Variants in TSNARE1 observed in about 807,000 individuals in gnomAD.
TSNARE1 encodes the protein t-SNARE domain-containing protein 1.
A neutral mutation model predicts 62.0 loss-of-function variants in TSNARE1; 49 were observed. The observed-to-expected ratio is 0.79, with a 90% CI of 0.63 to 1.00. The LOEUF is 1.00. TSNARE1 is among the 50% of genes least tolerant of loss of function. The pLI is 0.00. For missense variants in TSNARE1, 755 were observed against 700.1 expected, an observed-to-expected ratio of 1.08 and a Z score of -0.88; for synonymous variants, 328 against 294.4, an observed-to-expected ratio of 1.11 and a Z score of -1.17.
chr8:142,315,544 C>T (rs1008758048), intron 7 of TSNARE1, among the ~76,000 whole-genome samples: 19 of 152,376 alleles, frequency 1.2e-4, no homozygotes, highest in Non-Finnish European at 2.5e-4. Flanking sequence ...CAGTTCCTTC[C>T]TGCTGGGATG....
intron 12 of TSNARE1, among the ~76,000 whole-genome samples, chr8:142,235,292 G>A (rs1055496075): frequency 6.6e-6 from 1 of 152,094 alleles, no homozygotes; most frequent in East Asian, 1.9e-4. Context: ...GGCAGGGTCC[G>A]GCAGGTGGCT....
At chr8:142,214,412 C>T (rs28697246) in intron 13 of TSNARE1, among the ~76,000 whole-genome samples, 119,934 of 152,126 alleles carry the variant, frequency 0.79, 49,852 homozygotes, top group Non-Finnish European at 0.91. Flanking sequence ...GGATGGTGCC[C>T]GTCTGTGCCC....
At chr8:142,261,073 AGAGAGGAAAGG>A (rs1586887251) in intron 12 of TSNARE1, among the ~76,000 whole-genome samples, 9 of 3,376 alleles carry the variant, frequency 2.7e-3, no homozygotes, top group East Asian at 9.3e-3. Context: ...AGGAGGGAGG[AGAGAGGAAAGG>A]AGGAAGGAGG....
chr8:142,376,669 G>T (rs1836368347), intron 1 of TSNARE1, among the ~76,000 whole-genome samples: 1 of 152,234 alleles, frequency 6.6e-6, no homozygotes, highest in African/African-American at 2.4e-5. Context: ...GGACTGAGAA[G>T]CTCCATGGCC....
At chr8:142,270,502 A>ATATATATATATATT (rs1563794860) in intron 12 of TSNARE1, 1 of 884,560 alleles carries the variant, frequency 1.1e-6, no homozygotes, top group Non-Finnish European at 1.3e-6. Flanking sequence ...ATATATATAT[A>ATATATATATATATT]TTTATGTATT....
At chr8:142,287,970 G>A (rs1444151152) in intron 10 of TSNARE1, among the ~76,000 whole-genome samples, 8 of 152,348 alleles carry the variant, frequency 5.3e-5, no homozygotes, top group African/African-American at 9.6e-5. Context: ...CCTTCAGGAC[G>A]TCCCGTGCTG....
intron 13 of TSNARE1, among the ~76,000 whole-genome samples, chr8:142,226,023 C>T (rs1816753051): frequency 6.6e-6 from 1 of 152,194 alleles, no homozygotes; most frequent in South Asian, 2.1e-4. Context: ...TCTGTGTCCT[C>T]TCTTCCTCTC....
At chr8:142,383,156 G>A (rs1203024280) in intron 1 of TSNARE1, among the ~76,000 whole-genome samples, 1 of 152,174 alleles carries the variant, frequency 6.6e-6, no homozygotes, top group East Asian at 1.9e-4. Flanking sequence ...CAGAAACAGG[G>A]GTGGAGTCAT....
chr8:142,224,309 G>A (rs1426384805), intron 13 of TSNARE1, among the ~76,000 whole-genome samples: 6 of 152,210 alleles, frequency 3.9e-5, no homozygotes, highest in Non-Finnish European at 1.5e-5. Flanking sequence ...TGTCATGACT[G>A]AGGATGCCCC....
chr8:142,375,252 C>T (rs144682789), intron 1 of TSNARE1, among the ~76,000 whole-genome samples: 3 of 152,360 alleles, frequency 2.0e-5, no homozygotes, highest in East Asian at 1.9e-4. Flanking sequence ...GCACCCACAG[C>T]GGACAACTGC....
At chr8:142,223,373 TTCAC>T (rs1242394808) in intron 13 of TSNARE1, among the ~76,000 whole-genome samples, 2 of 124,904 alleles carry the variant, frequency 1.6e-5, no homozygotes, top group Non-Finnish European at 3.3e-5. Flanking sequence ...CATCCACTCA[TTCAC>T]TCACTCAAGT....
intron 13 of TSNARE1, among the ~76,000 whole-genome samples, chr8:142,218,807 C>T (rs1369446284): frequency 6.6e-6 from 1 of 152,226 alleles, no homozygotes; most frequent in African/African-American, 2.4e-5. Flanking sequence ...AGCACATTCA[C>T]ATTCCACTGC....
At chr8:142,301,756 C>T (rs902575143) in intron 9 of TSNARE1, among the ~76,000 whole-genome samples, 17 of 151,490 alleles carry the variant, frequency 1.1e-4, no homozygotes, top group Admixed American at 8.5e-4. Context: ...CCGGCCTCAC[C>T]AGGAGCACCT....
chr8:142,268,906 G>A (rs1054276697), intron 12 of TSNARE1, among the ~76,000 whole-genome samples: 2 of 152,216 alleles, frequency 1.3e-5, no homozygotes, highest in African/African-American at 4.8e-5. Context: ...GGTGACGTAG[G>A]GGCCATGACG....
At chr8:142,227,302 AC>A (rs1345521636) in intron 13 of TSNARE1, among the ~76,000 whole-genome samples, 2 of 138,544 alleles carry the variant, frequency 1.4e-5, no homozygotes, top group Non-Finnish European at 3.0e-5. Flanking sequence ...GACAGCCAGG[AC>A]CCCCTTCCTG....
At chr8:142,276,181 G>C (rs1285153542) in intron 11 of TSNARE1, 1 of 985,346 alleles carries the variant, frequency 1.0e-6, no homozygotes, top group Non-Finnish European at 1.2e-6. Context: ...CCTGCACAAG[G>C]AGCCAAAGCC....
chr8:142,302,017 C>T (rs908821729), intron 9 of TSNARE1, among the ~76,000 whole-genome samples: 4 of 152,188 alleles, frequency 2.6e-5, no homozygotes, highest in African/African-American at 4.8e-5. Context: ...CCCACTGATG[C>T]CACGCCGGCC....
chr8:142,228,061 C>T (rs1364094860), intron 13 of TSNARE1, among the ~76,000 whole-genome samples: 1 of 152,184 alleles, frequency 6.6e-6, no homozygotes, highest in Non-Finnish European at 1.5e-5. Flanking sequence ...GCAACCAGCA[C>T]CAGTGTCAGC....
At position 142,239,430 on chromosome 8, in the gene TSNARE1, C is replaced by T. The variant is rs535741817; in HGVS notation, c.1447-9851G>A. Among the ~76,000 whole-genome samples the T allele has an allele frequency of 1.3e-4, 20 of 152,278 alleles. No homozygotes were observed. In the East Asian group the frequency reaches 3.9e-3, roughly 29 times the overall value. The stretch of plus-strand genomic sequence containing the variant: ...AATCAGAGCTCAAGCGTTTAAAGGT[C>T]CATGCATTATTCAGGAAGGGGCTAG... On this transcript the variant is annotated intron_variant, in intron 12 of 13. Transcript: ENST00000524325.
Sources: allele counts gnomAD v4.1 joint callset (sites outside exome capture counted in the v4.1 genomes callset), GRCh38; gene constraint gnomAD v4.1.1; transcripts MANE v1.5; gene names NCBI Gene and HGNC (gene_info 2026-07-23, HGNC 2026-07-21).